DNM3: variants seen among roughly 807,000 people sequenced by gnomAD.
The protein encoded by DNM3 is dynamin-3.
In DNM3, 47 loss-of-function variants were observed where a neutral mutation model predicts 101.6. The observed-to-expected ratio is 0.46, with a 90% CI of 0.37 to 0.59. The LOEUF (loss-of-function observed/expected upper bound fraction) is 0.59. Among genes scored for constraint, DNM3 ranks in the 20% least tolerant of loss-of-function variants. DNM3 has a pLI of 0.00. For synonymous variants in DNM3, 385 were observed against 387.9 expected (o/e 0.99, Z 0.09); for missense variants, 849 against 1,085.7 (o/e 0.78, Z 3.06).
intron 15 of DNM3, among the ~76,000 whole-genome samples, chr1:172,278,763 A>G (rs902617881): frequency 2.0e-5 from 3 of 152,128 alleles, no homozygotes; most frequent in Non-Finnish European, 4.4e-5. Flanking sequence ...CTGCCTCTAA[A>G]GTTCTGTGGC....
At chr1:172,205,344 GGACTACCA>G (rs1489359153) in intron 14 of DNM3, among the ~76,000 whole-genome samples, 1 of 151,952 alleles carries the variant, frequency 6.6e-6, no homozygotes, top group African/African-American at 2.4e-5. Context: ...TCGTCTAAAT[GGACTACCA>G]GTTCTTACAC....
intron 14 of DNM3, among the ~76,000 whole-genome samples, chr1:172,192,331 C>T (rs2059759726): frequency 6.6e-6 from 1 of 150,728 alleles, no homozygotes; most frequent in South Asian, 2.1e-4. Flanking sequence ...AGCCTTGCAT[C>T]CCAGGGATGA....
intron 17 of DNM3, among the ~76,000 whole-genome samples, chr1:172,342,017 A>G (rs1158361662): frequency 1.3e-5 from 2 of 152,170 alleles, no homozygotes; most frequent in African/African-American, 2.4e-5. Flanking sequence ...AACATCACTA[A>G]TCATTAGAGA....
At chr1:171,849,543 G>A (rs886593621) in intron 1 of DNM3, among the ~76,000 whole-genome samples, 6 of 152,166 alleles carry the variant, frequency 3.9e-5, no homozygotes, top group Non-Finnish European at 7.3e-5. Context: ...CGTGAATGTT[G>A]GAAAATTACA....
intron 13 of DNM3, among the ~76,000 whole-genome samples, chr1:172,118,940 G>A (rs996669791): frequency 2.0e-5 from 3 of 151,802 alleles, no homozygotes; most frequent in Admixed American, 1.3e-4. Context: ...CTTTAGCACT[G>A]TGACCCCATC....
At chr1:172,319,752 G>C (rs1445558530) in intron 16 of DNM3, among the ~76,000 whole-genome samples, 2 of 152,172 alleles carry the variant, frequency 1.3e-5, no homozygotes, top group Non-Finnish European at 2.9e-5. Context: ...GAGAGCATGT[G>C]GAGAAATAGG....
intron 10 of DNM3, among the ~76,000 whole-genome samples, chr1:172,049,594 T>C (rs2057302): frequency 0.34 from 51,093 of 151,958 alleles, 9,331 homozygotes; most frequent in East Asian, 0.69. Context: ...GAATATCTTG[T>C]ATTGAAAAAC....
chr1:172,018,433 C>A (rs2125736899), intron 4 of DNM3, among the ~76,000 whole-genome samples: 1 of 152,202 alleles, frequency 6.6e-6, no homozygotes, highest in Non-Finnish European at 1.5e-5. Context: ...CAATTCATGT[C>A]TACTTTCAAA....
chr1:172,099,282 G>A (rs1236420848), intron 13 of DNM3, among the ~76,000 whole-genome samples: 1 of 152,114 alleles, frequency 6.6e-6, no homozygotes, highest in Non-Finnish European at 1.5e-5. Flanking sequence ...ATTCAATGAA[G>A]GTCATCAACA....
At chr1:172,258,733 A>T in intron 15 of DNM3, among the ~76,000 whole-genome samples, 1 of 151,734 alleles carries the variant, frequency 6.6e-6, no homozygotes, top group East Asian at 1.9e-4. Flanking sequence ...TGTCTTTTTC[A>T]TCTCCATTTC....
chr1:171,927,632 A>T lies in DNM3; in HGVS notation c.235+5811A>T, dbSNP rs974108581. Among the ~76,000 whole-genome samples, 4 of 152,198 alleles carry T rather than the reference A, an allele frequency of 2.6e-5. No individual in the cohort carries two copies. The East Asian group carries it at 7.7e-4, about 29-fold the overall frequency. On this transcript the variant is annotated intron_variant, in intron 2 of 20. Coordinates refer to ENST00000627582, the MANE Select transcript of DNM3 (RefSeq NM_015569.5). The stretch of plus-strand genomic sequence containing the variant: ...CTACCTAAATGCCCACGAATGACAG[A>T]TTAGATTTAAAAAAATATAGTACAT...
intron 13 of DNM3, among the ~76,000 whole-genome samples, chr1:172,112,128 CTT>C (rs1351338395): frequency 1.3e-5 from 2 of 152,180 alleles, no homozygotes; most frequent in East Asian, 1.9e-4. Flanking sequence ...AGCATATACT[CTT>C]ATCTTCATTT....
At chr1:172,358,974 G>A (rs529336320) in intron 17 of DNM3, among the ~76,000 whole-genome samples, 6 of 151,918 alleles carry the variant, frequency 3.9e-5, no homozygotes, top group Admixed American at 2.6e-4. Context: ...TCTTTCTGGA[G>A]CAGTCTGTTT....
intron 2 of DNM3, chr1:171,987,384 A>G: frequency 1.1e-6 from 1 of 903,662 alleles, no homozygotes; most frequent in Non-Finnish European, 1.3e-6. Flanking sequence ...AATTTTCTTT[A>G]AATTATTTAA....
chr1:171,871,342 T>C (rs1447309947), intron 1 of DNM3, among the ~76,000 whole-genome samples: 1 of 152,212 alleles, frequency 6.6e-6, no homozygotes, highest in Admixed American at 6.5e-5. Context: ...CAAAACAAAG[T>C]ATAGTCTTCT....
intron 20 of DNM3, among the ~76,000 whole-genome samples, chr1:172,401,408 G>C (rs1479789996): frequency 6.6e-6 from 1 of 152,188 alleles, no homozygotes; most frequent in Non-Finnish European, 1.5e-5. Context: ...ACAATGTAAA[G>C]AAAGTGTGAC....
At chr1:172,123,615 G>A (rs190512898) in intron 13 of DNM3, among the ~76,000 whole-genome samples, 5 of 152,156 alleles carry the variant, frequency 3.3e-5, no homozygotes, top group Non-Finnish European at 7.3e-5. Flanking sequence ...GTGGGCAGGC[G>A]AGTTCCCTTG....
chr1:172,048,378 T>C (rs1262931661), intron 9 of DNM3, among the ~76,000 whole-genome samples: 1 of 152,252 alleles, frequency 6.6e-6, no homozygotes, highest in Non-Finnish European at 1.5e-5. Flanking sequence ...ACCATTTCTA[T>C]TGTAGCATTT....
At chr1:172,292,577 G>C (rs1477238137) in intron 15 of DNM3, among the ~76,000 whole-genome samples, 2 of 149,058 alleles carry the variant, frequency 1.3e-5, no homozygotes, top group Non-Finnish European at 3.0e-5. Flanking sequence ...TTGGCTGAAG[G>C]GTTGGCTTAG....
Sources: allele counts gnomAD v4.1 joint callset (sites outside exome capture counted in the v4.1 genomes callset), GRCh38; gene constraint gnomAD v4.1.1; transcripts MANE v1.5; gene names NCBI Gene and HGNC (gene_info 2026-07-23, HGNC 2026-07-21).